The following CCDC7 variants were observed in gnomAD, a reference collection of about 807,000 sequenced individuals.
The protein encoded by CCDC7 is coiled-coil domain-containing protein 7.
A neutral mutation model predicts 196.9 loss-of-function variants in CCDC7; 183 were observed. The observed-to-expected ratio is 0.93, with a 90% CI of 0.82 to 1.05. The LOEUF is 1.05. Ranked by LOEUF, CCDC7 falls within the 50% of genes least tolerant of loss-of-function variation. CCDC7 has a pLI of 0.00. For missense variants in CCDC7, 1,540 were observed against 1,482.2 expected (o/e 1.04, Z -0.64); for synonymous variants, 525 against 484.6 (o/e 1.08, Z -1.10).
At chr10:32,595,088 C>T (rs2060184219) in intron 18 of CCDC7, among the ~76,000 whole-genome samples, 1 of 152,278 alleles carries the variant, frequency 6.6e-6, no homozygotes, top group Non-Finnish European at 1.5e-5. Context: ...AGGATTCCCT[C>T]TTTTTCTATT....
intron 31 of CCDC7, 123 bp from the exon 33 acceptor site, chr10:32,824,395 G>T: frequency 3.7e-6 from 2 of 539,796 alleles, no homozygotes; most frequent in Non-Finnish European, 6.4e-6. Context: ...CTGCAATCTG[G>T]ACACTTTATT....
At chr10:32,869,400 A>G (rs1409257797) in intron 41 of CCDC7, among the ~76,000 whole-genome samples, 1 of 151,802 alleles carries the variant, frequency 6.6e-6, no homozygotes, top group African/African-American at 2.4e-5. Context: ...TCCTTCACCC[A>G]CTTTTTGATG....
At chr10:32,625,930 A>T (rs1027830649) in intron 18 of CCDC7, among the ~76,000 whole-genome samples, 1 of 151,956 alleles carries the variant, frequency 6.6e-6, no homozygotes, top group Non-Finnish European at 1.5e-5. Context: ...ATAGTATTCT[A>T]CTCTCTCTAT....
chr10:32,644,410 C>G (rs1301786213), intron 20 of CCDC7, among the ~76,000 whole-genome samples: 1 of 152,172 alleles, frequency 6.6e-6, no homozygotes, highest in East Asian at 1.9e-4. Context: ...ATAAAATCAA[C>G]TTTTTTAGAT....
chr10:32,758,111 G>C (rs890783393), intron 28 of CCDC7, among the ~76,000 whole-genome samples: 1 of 152,058 alleles, frequency 6.6e-6, no homozygotes, highest in South Asian at 2.1e-4. Flanking sequence ...ATAATTAATA[G>C]CCTACCAACC....
At chr10:32,501,601 C>T (rs11527637) in intron 9 of CCDC7, among the ~76,000 whole-genome samples, 13,536 of 152,238 alleles carry the variant, frequency 0.089, 858 homozygotes, top group East Asian at 0.33. Context: ...GACCCCTCTG[C>T]TGCAGGTCTG....
chr10:32,766,831 C>T (rs369163664), intron 28 of CCDC7, among the ~76,000 whole-genome samples: 22 of 152,180 alleles, frequency 1.4e-4, no homozygotes, highest in African/African-American at 5.1e-4. Context: ...TCCACTTCTG[C>T]TACATTACCT....
intron 18 of CCDC7, among the ~76,000 whole-genome samples, chr10:32,631,766 A>G (rs1382777904): frequency 6.6e-6 from 1 of 152,030 alleles, no homozygotes; most frequent in Non-Finnish European, 1.5e-5. Context: ...ATATTGTCTA[A>G]CAATACATAA....
chr10:32,760,521 C>T (rs1437315052), intron 28 of CCDC7, among the ~76,000 whole-genome samples: 1 of 152,040 alleles, frequency 6.6e-6, no homozygotes, highest in Non-Finnish European at 1.5e-5. Context: ...CGCATATTCT[C>T]ACTCATAGGT....
chr10:32,854,642 G>A (rs1267019045), intron 41 of CCDC7, among the ~76,000 whole-genome samples, 153 bp downstream of exon 42: 1 of 152,126 alleles, frequency 6.6e-6, no homozygotes, highest in Non-Finnish European at 1.5e-5. Flanking sequence ...CTTCAAACAA[G>A]TAAAAATATA....
exon 28 of CCDC7, chr10:32,729,422 C>T: frequency 7.1e-7 from 1 of 1,415,016 alleles, no homozygotes; most frequent in Non-Finnish European, 9.8e-7. Context: ...GAATCTCAAA[C>T]GAAGAAACTT....
intron 28 of CCDC7, among the ~76,000 whole-genome samples, chr10:32,759,110 A>T (rs919967441): frequency 8.5e-5 from 13 of 152,206 alleles, no homozygotes; most frequent in African/African-American, 3.1e-4. Context: ...AAACAAATGG[A>T]AGAACATTCC....
At position 32,845,490 on chromosome 10, in the gene CCDC7, G is replaced by C. The variant is rs1439205165; in HGVS notation, c.3437-53G>C. 1.1e-5 allele frequency: 16 copies of C among 1,436,270 alleles called. No homozygotes were observed. The African/African-American group carries it at 1.7e-4, about 15-fold the overall frequency. The allele number at this position is 1,436,270 out of a possible 1,614,324, so 89.0% of individuals were successfully genotyped here. A position where few individuals can be genotyped will look rare whatever the true frequency, so the allele number is the denominator to read the frequency against. On this transcript the variant is annotated intron_variant, in intron 34 of 41. Coordinates refer to ENST00000639629, the Ensembl canonical transcript of CCDC7. ...TAATTAAACACAAAAACACACACAA[G>C]TATGGTAATGATAATCTTACAAAAT...
chr10:32,486,263 G>A (rs2041066431), intron 8 of CCDC7, among the ~76,000 whole-genome samples: 1 of 151,756 alleles, frequency 6.6e-6, no homozygotes, highest in Non-Finnish European at 1.5e-5. Flanking sequence ...GGCCTTCTTT[G>A]TCTCTTTTGA....
At chr10:32,834,425 A>G (rs897757651) in intron 32 of CCDC7, among the ~76,000 whole-genome samples, 1 of 152,042 alleles carries the variant, frequency 6.6e-6, no homozygotes, top group Non-Finnish European at 1.5e-5. Context: ...ATGAAGTATG[A>G]ATGTGTTTAA....
chr10:32,753,115 A>T (rs1037178071), intron 28 of CCDC7, among the ~76,000 whole-genome samples: 2 of 152,190 alleles, frequency 1.3e-5, no homozygotes, highest in African/African-American at 4.8e-5. Flanking sequence ...TATTTCAAAC[A>T]TCTATTTTGT....
intron 21 of CCDC7, among the ~76,000 whole-genome samples, chr10:32,680,892 A>T (rs924550458): frequency 6.6e-6 from 1 of 152,142 alleles, no homozygotes; most frequent in Non-Finnish European, 1.5e-5. Flanking sequence ...ATTTGGGGAA[A>T]ATTTCACCAG....
upstream of CCDC7, among the ~76,000 whole-genome samples, chr10:32,448,170 A>G (rs2031937421): frequency 6.6e-6 from 1 of 152,216 alleles, no homozygotes; most frequent in Admixed American, 6.5e-5. Context: ...TGGATGAAAT[A>G]AACATTTTCA....
At position 32,684,592 on chromosome 10, in the gene CCDC7, G is replaced by A. The variant is rs574876424; in HGVS notation, c.2123-1378G>A. Among the ~76,000 whole-genome samples, 14 of 152,300 alleles carry A rather than the reference G, an allele frequency of 9.2e-5. 1 individual carries two copies. In the South Asian group the frequency reaches 2.9e-3, roughly 32 times the overall value. ...TGATGAATCCCAAGGTGGCCTCCTG[G>A]ATGATCCAGTTGAAGAGCCACTTGC... On this transcript the variant is annotated intron_variant, in intron 21 of 41. Transcript: ENST00000639629.
Sources: gnomAD v4.1 joint callset for allele counts (sites outside exome capture counted in the v4.1 genomes callset) on GRCh38, gnomAD v4.1.1 for gene constraint, MANE v1.5 for transcripts, NCBI Gene and HGNC (gene_info 2026-07-23, HGNC 2026-07-21) for gene names.